Variants in RAP1A observed in about 807,000 individuals in gnomAD.
The protein encoded by RAP1A is RAP1A, member of RAS oncogene family.
In RAP1A, 6 loss-of-function variants were observed where a neutral mutation model predicts 26.4. The observed-to-expected ratio is 0.23, with a 90% CI of 0.12 to 0.45. The LOEUF is 0.45. Among genes scored for constraint, RAP1A ranks in the 20% least tolerant of loss-of-function variants. The pLI is 0.99. For synonymous variants in RAP1A, 73 were observed against 79.4 expected (o/e 0.92, Z 0.43); for missense variants, 121 against 217.2 (o/e 0.56, Z 2.78).
At chr1:111,642,112 G>C (rs1350939529) in intron 1 of RAP1A, among the ~76,000 whole-genome samples, 2 of 152,134 alleles carry the variant, frequency 1.3e-5, no homozygotes, top group Non-Finnish European at 2.9e-5. Context: ...GGGTGTGGTG[G>C]TGCATGCCTG....
intron 4 of RAP1A, among the ~76,000 whole-genome samples, chr1:111,701,665 G>A (rs1662027955): frequency 6.6e-6 from 1 of 152,206 alleles, no homozygotes; most frequent in South Asian, 2.1e-4. Flanking sequence ...ACCAACCACA[G>A]CAGTTCTGTA....
intron 1 of RAP1A, among the ~76,000 whole-genome samples, chr1:111,550,443 C>G (rs1334879118): frequency 3.6e-4 from 54 of 151,956 alleles, no homozygotes; most frequent in Admixed American, 3.5e-3. Flanking sequence ...GATCTTTCTT[C>G]TTTTTTAATG....
rs1261388070 is a variant in RAP1A, at chr1:111,701,036, A to G, written c.184-2300A>G. Among the ~76,000 whole-genome samples, 5 of 152,206 alleles carry G rather than the reference A, an allele frequency of 3.3e-5. No homozygotes were observed. The East Asian group carries it at 9.6e-4, about 29-fold the overall frequency. The stretch of plus-strand genomic sequence containing the variant: ...TCAGATTGTTCTCCACACAGTAACC[A>G]TCATAATTCCATTTAAATGTAAGTC... On this transcript the variant is annotated intron_variant, in intron 4 of 7. Coordinates refer to ENST00000369709, the MANE Select transcript of RAP1A (RefSeq NM_002884.4).
intron 1 of RAP1A, among the ~76,000 whole-genome samples, chr1:111,632,751 A>T (rs1659605557): frequency 6.9e-6 from 1 of 145,314 alleles, no homozygotes; most frequent in Non-Finnish European, 1.5e-5. Flanking sequence ...CGTCTTCACT[A>T]AAAAAAAAAA....
chr1:111,682,082 T>G (rs1661314493), intron 1 of RAP1A, among the ~76,000 whole-genome samples: 1 of 152,132 alleles, frequency 6.6e-6, no homozygotes, highest in Admixed American at 6.5e-5. Context: ...GAATTTCATA[T>G]CCAGCCAAAC....
chr1:111,602,938 T>C (rs1339934234), intron 1 of RAP1A, among the ~76,000 whole-genome samples: 3 of 152,260 alleles, frequency 2.0e-5, no homozygotes, highest in African/African-American at 7.2e-5. Flanking sequence ...GAGGACATAG[T>C]GTAAGTCCTG....
rs992055704 is a variant in RAP1A, at chr1:111,564,020, C to T, written c.-28+21511C>T. 2.6e-6 allele frequency: 3 copies of T among 1,162,080 alleles called. No homozygotes were observed. The East Asian group carries it at 7.0e-5, about 27-fold the overall frequency. 72.0% of individuals were successfully genotyped at this position (1,162,080 alleles called of 1,614,324 possible). A position where few individuals can be genotyped will look rare whatever the true frequency, so the allele number is the denominator to read the frequency against. On this transcript the variant is annotated intron_variant, in intron 1 of 7. Transcript: ENST00000356415. The stretch of plus-strand genomic sequence containing the variant: ...AACAGCCACATTCCACCCATCCAAC[C>T]CTTCTGCCATTAGAGAACCAGGAAT...
chr1:111,613,146 C>T (rs1658953297), intron 1 of RAP1A, among the ~76,000 whole-genome samples: 1 of 147,052 alleles, frequency 6.8e-6, no homozygotes, highest in Non-Finnish European at 1.5e-5. Flanking sequence ...TTGGTGAAAA[C>T]GTAGGGTTTT....
At chr1:111,557,306 T>A (rs1449105289) in intron 1 of RAP1A, among the ~76,000 whole-genome samples, 1 of 152,194 alleles carries the variant, frequency 6.6e-6, no homozygotes, top group Non-Finnish European at 1.5e-5. Context: ...CCTAGCACTT[T>A]GGGAGTCCGA....
intron 1 of RAP1A, among the ~76,000 whole-genome samples, chr1:111,677,357 A>C (rs565612): frequency 0.48 from 72,468 of 151,934 alleles, 17,544 homozygotes; most frequent in African/African-American, 0.55. Flanking sequence ...GTTGAAAATA[A>C]TGTCTTTTAC....
At chr1:111,678,052 T>A (rs1661180719) in intron 1 of RAP1A, among the ~76,000 whole-genome samples, 1 of 152,230 alleles carries the variant, frequency 6.6e-6, no homozygotes, top group South Asian at 2.1e-4. Context: ...TTACTACAGT[T>A]TTATAGTCTA....
At chr1:111,588,841 T>C (rs1658425121) in intron 1 of RAP1A, among the ~76,000 whole-genome samples, 1 of 152,248 alleles carries the variant, frequency 6.6e-6, no homozygotes, top group Admixed American at 6.5e-5. Context: ...AAAGACTGTA[T>C]GTTTTTGGCT....
At chr1:111,701,666 C>A (rs138189565) in intron 4 of RAP1A, among the ~76,000 whole-genome samples, 43 of 152,326 alleles carry the variant, frequency 2.8e-4, no homozygotes, top group African/African-American at 1.0e-3. Context: ...CCAACCACAG[C>A]AGTTCTGTAA....
At chr1:111,703,185 C>A (rs1404580562) in intron 4 of RAP1A, 151 bp from the exon 5 acceptor site, 2 of 461,912 alleles carry the variant, frequency 4.3e-6, no homozygotes, top group African/African-American at 4.0e-5. Context: ...CTAGTCACCT[C>A]AGTTGCTAGA....
chr1:111,684,496 A>G (rs1450258333), intron 1 of RAP1A, among the ~76,000 whole-genome samples: 1 of 152,190 alleles, frequency 6.6e-6, no homozygotes, highest in African/African-American at 2.4e-5. Flanking sequence ...CCTATACACT[A>G]ATAACAGCCA....
intron 1 of RAP1A, among the ~76,000 whole-genome samples, chr1:111,684,730 G>GCT (rs141955113): frequency 0.42 from 63,113 of 151,636 alleles, 13,336 homozygotes; most frequent in African/African-American, 0.49. Flanking sequence ...TAGATTCAGT[G>GCT]CTCCCCATAA....
chr1:111,585,047 C>T (rs1658336225), intron 1 of RAP1A, among the ~76,000 whole-genome samples: 1 of 152,098 alleles, frequency 6.6e-6, no homozygotes. Context: ...TAGCATGGAC[C>T]AAAAAGAATG....
chr1:111,577,166 G>C (rs1355845634), intron 1 of RAP1A, among the ~76,000 whole-genome samples: 1 of 152,108 alleles, frequency 6.6e-6, no homozygotes, highest in Non-Finnish European at 1.5e-5. Flanking sequence ...ACTTTGGGAG[G>C]TCGAGGCAGG....
chr1:111,667,230 A>C (rs1660822214), intron 1 of RAP1A, among the ~76,000 whole-genome samples: 1 of 151,994 alleles, frequency 6.6e-6, no homozygotes, highest in African/African-American at 2.4e-5. Flanking sequence ...TGACACTCCT[A>C]CCCTCCTCTC....
Sources: allele counts gnomAD v4.1 joint callset (sites outside exome capture counted in the v4.1 genomes callset), GRCh38; gene constraint gnomAD v4.1.1; transcripts MANE v1.5; gene names NCBI Gene and HGNC (gene_info 2026-07-23, HGNC 2026-07-21).